TENM1: variants seen among roughly 807,000 people sequenced by gnomAD.
TENM1 encodes the protein teneurin-1.
TENM1 carries 35 observed loss-of-function variants against 174.8 expected under a neutral mutation model. The ratio of observed to expected loss-of-function variants is 0.20; its 90% confidence interval spans 0.15 to 0.27. The LOEUF is 0.27. Ranked by LOEUF, TENM1 falls within the 10% of genes least tolerant of loss-of-function variation. The pLI is 1.00. For synonymous variants in TENM1, 781 were observed against 798.7 expected (o/e 0.98, Z 0.37); for missense variants, 1,633 against 2,130.1 (o/e 0.77, Z 4.59).
the TENM1 span, among the ~76,000 whole-genome samples, chrX:125,098,552 A>T: frequency 1.8e-5 from 2 of 112,356 alleles, no homozygotes; most frequent in African/African-American, 3.2e-5. Flanking sequence ...TTTCAAGTTC[A>T]TAAGGTAGGA....
chrX:124,817,935 A>G (rs2055942437), intron 3 of TENM1, among the ~76,000 whole-genome samples: 1 of 111,821 alleles, frequency 8.9e-6, no homozygotes, highest in African/African-American at 3.2e-5. Flanking sequence ...GCATAAAACA[A>G]TTGATGCTTG....
At chrX:124,410,052 A>G (rs1307803451) in intron 25 of TENM1, among the ~76,000 whole-genome samples, 13 of 110,175 alleles carry the variant, frequency 1.2e-4, no homozygotes, top group Non-Finnish European at 2.3e-4. Context: ...AAAAGAGCCC[A>G]CATCGCCAAG....
chrX:124,449,518 G>A (rs866372668), intron 23 of TENM1, among the ~76,000 whole-genome samples: 36 of 112,223 alleles, frequency 3.2e-4, no homozygotes, highest in African/African-American at 7.4e-4. Flanking sequence ...GTTTAGAGTT[G>A]ACTGATTGCA....
chrX:125,044,026 AG>A, the TENM1 span, among the ~76,000 whole-genome samples: 3 of 30,174 alleles, frequency 9.9e-5, no homozygotes, highest in Non-Finnish European at 1.7e-4. Flanking sequence ...GGGTCGGGGG[AG>A]GGGGGAGGGA....
At chrX:125,116,729 C>T in the TENM1 span, among the ~76,000 whole-genome samples, 1 of 112,211 alleles carries the variant, frequency 8.9e-6, no homozygotes, top group African/African-American at 3.2e-5. Context: ...AGTCAGCAAA[C>T]GGCTGGGCAT....
chrX:125,085,648 G>T, the TENM1 span, among the ~76,000 whole-genome samples: 2 of 111,040 alleles, frequency 1.8e-5, no homozygotes, highest in Non-Finnish European at 3.8e-5. Context: ...TATTTTCCAT[G>T]TATATTTCAT....
At chrX:124,541,636 G>A (rs1025619942) in intron 15 of TENM1, among the ~76,000 whole-genome samples, 23 of 111,836 alleles carry the variant, frequency 2.1e-4, no homozygotes, top group African/African-American at 6.8e-4. Flanking sequence ...ATAGCAATGT[G>A]AGAATGACCT....
intron 1 of TENM1, among the ~76,000 whole-genome samples, chrX:124,943,006 T>C (rs1187530839): frequency 9.0e-6 from 1 of 111,617 alleles, no homozygotes; most frequent in Non-Finnish European, 1.9e-5. Flanking sequence ...ATCTCTCTTT[T>C]CATTTTACTT....
At chrX:125,002,719 T>C in the TENM1 span, among the ~76,000 whole-genome samples, 1 of 111,862 alleles carries the variant, frequency 8.9e-6, no homozygotes, top group African/African-American at 3.2e-5. Context: ...AAATGTTTCA[T>C]ATAGATTTAG....
intron 3 of TENM1, among the ~76,000 whole-genome samples, chrX:124,744,733 G>A (rs1030738993): frequency 2.7e-5 from 3 of 111,951 alleles, no homozygotes; most frequent in Admixed American, 9.5e-5. Flanking sequence ...GGTAGGTAAT[G>A]GAGGGTTATG....
chrX:125,038,345 C>T, the TENM1 span, among the ~76,000 whole-genome samples: 1 of 110,343 alleles, frequency 9.1e-6, no homozygotes, highest in Non-Finnish European at 1.9e-5. Flanking sequence ...GGTCAGGTTA[C>T]TTAGCCTGTC....
intron 18 of TENM1, among the ~76,000 whole-genome samples, chrX:124,513,156 A>AG (rs201775061): frequency 0.3 from 32,707 of 110,859 alleles, 3,970 homozygotes; most frequent in African/African-American, 0.47. Context: ...GCAAAAATCA[A>AG]GTGTCCATAG....
intron 19 of TENM1, among the ~76,000 whole-genome samples, chrX:124,502,713 G>A (rs1302635434): frequency 1.8e-5 from 2 of 111,896 alleles, no homozygotes; most frequent in Non-Finnish European, 3.8e-5. Context: ...TGAAGGAGGA[G>A]AAAGAGTTAT....
At chrX:125,050,268 G>A in the TENM1 span, among the ~76,000 whole-genome samples, 8 of 109,391 alleles carry the variant, frequency 7.3e-5, no homozygotes, top group African/African-American at 2.7e-4. Flanking sequence ...CCATTAACTC[G>A]TCATTTAACA....
intron 4 of TENM1, among the ~76,000 whole-genome samples, chrX:124,730,314 TG>T (rs1304589478): frequency 8.9e-6 from 1 of 112,039 alleles, no homozygotes; most frequent in African/African-American, 3.2e-5. Context: ...AATAATCTCT[TG>T]TGTTATTATT....
chrX:124,968,081 G>C (rs1048566426), upstream of TENM1, among the ~76,000 whole-genome samples: 2 of 111,809 alleles, frequency 1.8e-5, no homozygotes, highest in Non-Finnish European at 3.8e-5. Context: ...AAATAAAAAT[G>C]GTTGCTGAGT....
chrX:124,393,785 A>G (rs754377095), intron 27 of TENM1, among the ~76,000 whole-genome samples: 10 of 111,293 alleles, frequency 9.0e-5, no homozygotes, highest in Non-Finnish European at 1.9e-4. Flanking sequence ...CAAGAATGAA[A>G]AAGGAGAGAC....
At chrX:125,145,916 A>G in the TENM1 span, among the ~76,000 whole-genome samples, 89 of 112,042 alleles carry the variant, frequency 7.9e-4, no homozygotes, top group Non-Finnish European at 3.2e-4. Flanking sequence ...TCAGACCACA[A>G]CTTTTATACC....
At chrX:124,542,280 G>A (rs1233292553) in intron 15 of TENM1, among the ~76,000 whole-genome samples, 4 of 112,516 alleles carry the variant, frequency 3.6e-5, no homozygotes, top group African/African-American at 9.7e-5. Flanking sequence ...AGAACAAATC[G>A]GACTTGGTCT....
Sources: gnomAD v4.1 joint callset for allele counts (sites outside exome capture counted in the v4.1 genomes callset) on GRCh38, gnomAD v4.1.1 for gene constraint, MANE v1.5 for transcripts, NCBI Gene and HGNC (gene_info 2026-07-23, HGNC 2026-07-21) for gene names.